CCDC178: variants seen among roughly 807,000 people sequenced by gnomAD.
CCDC178 encodes coiled-coil domain-containing protein 178.
In CCDC178, 126 loss-of-function variants were observed where a neutral mutation model predicts 117.4. The ratio of observed to expected loss-of-function variants is 1.07; its 90% CI spans 0.93 to 1.24. The LOEUF (loss-of-function observed/expected upper bound fraction) is 1.24. Ranked by LOEUF, CCDC178 falls within the 50% of genes most tolerant of loss-of-function variation. The pLI is 0.00. For synonymous variants in CCDC178, 283 were observed against 313.4 expected (o/e 0.90, Z 1.02); for missense variants, 1,030 against 986.9 (o/e 1.04, Z -0.59).
chr18:33,194,322 T>C (rs902584691), intron 20 of CCDC178, among the ~76,000 whole-genome samples: 1 of 152,230 alleles, frequency 6.6e-6, no homozygotes, highest in Middle Eastern at 3.4e-3. Context: ...GATAATGAAA[T>C]AGGTAATCCT....
chr18:33,280,862 T>C (rs2060015908), intron 12 of CCDC178, among the ~76,000 whole-genome samples: 1 of 151,868 alleles, frequency 6.6e-6, no homozygotes, highest in Non-Finnish European at 1.5e-5. Flanking sequence ...GACAAAAAAC[T>C]AAACACCGCA....
intron 14 of CCDC178, among the ~76,000 whole-genome samples, chr18:33,250,770 C>T (rs1439877976): frequency 6.6e-6 from 1 of 151,332 alleles, no homozygotes; most frequent in Non-Finnish European, 1.5e-5. Flanking sequence ...AATTTCAGTA[C>T]CAAAACCCAA....
At chr18:33,008,120 A>G (rs2055787218) in intron 21 of CCDC178, among the ~76,000 whole-genome samples, 1 of 152,128 alleles carries the variant, frequency 6.6e-6, no homozygotes, top group African/African-American at 2.4e-5. Context: ...TTTATTTCAC[A>G]GTTGTGCAAC....
At chr18:32,988,508 G>T (rs1307096684) in intron 21 of CCDC178, among the ~76,000 whole-genome samples, 1 of 152,052 alleles carries the variant, frequency 6.6e-6, no homozygotes, top group African/African-American at 2.4e-5. Flanking sequence ...AAACACATAG[G>T]ATGCAAACAG....
At position 33,403,329 on chromosome 18, in the gene CCDC178, C is replaced by G. The variant is rs568627023; in HGVS notation, c.59-6121G>C. On this transcript the variant is annotated intron_variant, in intron 3 of 22. Coordinates refer to ENST00000383096, the MANE Select transcript of CCDC178 (RefSeq NM_001105528.4). Reference sequence around the variant, plus strand: ...GGATAGAGATTTCAGTGAGTGGCCACAGAGGGCTTCAGAGAACTAATTTAG... The same window carrying G: ...GGATAGAGATTTCAGTGAGTGGCCAGAGAGGGCTTCAGAGAACTAATTTAG... Among the ~76,000 whole-genome samples, 5 of 152,234 alleles carry G rather than the reference C, an allele frequency of 3.3e-5. No individual in the cohort carries two copies. In the East Asian group the frequency reaches 9.7e-4, roughly 29 times the overall value.
intron 18 of CCDC178, among the ~76,000 whole-genome samples, chr18:33,222,201 CTTCTTCCTTCCTTCCTCCCTCCCTTCCT>C (rs1419736515): frequency 1.3e-5 from 2 of 151,270 alleles, no homozygotes; most frequent in African/African-American, 4.9e-5. Context: ...TTAATTTTGA[CTTCTTCCTTCCTTCCTCCCTCCCTTCCT>C]TTCTTCCTTC....
chr18:33,011,631 A>G (rs1183495977), intron 21 of CCDC178, among the ~76,000 whole-genome samples: 2 of 151,926 alleles, frequency 1.3e-5, no homozygotes, highest in East Asian at 1.9e-4. Flanking sequence ...ATAAGCGACT[A>G]AAGTTGCTGG....
intron 20 of CCDC178, among the ~76,000 whole-genome samples, chr18:33,110,836 T>C (rs1003766389): frequency 1.3e-5 from 2 of 151,738 alleles, no homozygotes; most frequent in African/African-American, 4.8e-5. Flanking sequence ...TCTAGGTATC[T>C]GGCAGTAATT....
At chr18:33,427,954 C>A (rs2064144158) in intron 2 of CCDC178, among the ~76,000 whole-genome samples, 1 of 152,086 alleles carries the variant, frequency 6.6e-6, no homozygotes, top group South Asian at 2.1e-4. Context: ...CATTTTCTGA[C>A]AAAATATAAA....
intron 21 of CCDC178, among the ~76,000 whole-genome samples, chr18:33,003,386 C>T (rs971874133): frequency 2.0e-5 from 3 of 152,092 alleles, no homozygotes; most frequent in Non-Finnish European, 4.4e-5. Context: ...TCAACATATG[C>T]AAATCAATCA....
intron 20 of CCDC178, among the ~76,000 whole-genome samples, chr18:33,161,450 C>CT (rs1298847186): frequency 3.3e-5 from 5 of 152,200 alleles, no homozygotes; most frequent in Non-Finnish European, 2.9e-5. Context: ...AACTTTCCAA[C>CT]TTTTTCTTAC....
At chr18:33,102,150 T>A (rs1319408873) in intron 20 of CCDC178, among the ~76,000 whole-genome samples, 1 of 151,666 alleles carries the variant, frequency 6.6e-6, no homozygotes, top group Non-Finnish European at 1.5e-5. Context: ...AAATAAAAAT[T>A]TAAAAAAATT....
intron 22 of CCDC178, among the ~76,000 whole-genome samples, chr18:32,972,463 GT>G (rs1344188180): frequency 6.6e-6 from 1 of 152,072 alleles, no homozygotes; most frequent in African/African-American, 2.4e-5. Context: ...GATGCCTCCA[GT>G]TTTGTTCTTT....
intron 20 of CCDC178, among the ~76,000 whole-genome samples, chr18:33,162,370 C>T (rs1041226573): frequency 6.6e-6 from 1 of 152,098 alleles, no homozygotes; most frequent in African/African-American, 2.4e-5. Context: ...TTTGTAATAA[C>T]TATCAATCTG....
chr18:33,294,107 G>A (rs1297355865), intron 11 of CCDC178, among the ~76,000 whole-genome samples: 4 of 152,138 alleles, frequency 2.6e-5, no homozygotes, highest in Non-Finnish European at 4.4e-5. Flanking sequence ...AATAGTCAAA[G>A]AGTTATTTGT....
rs147938814 is a variant in CCDC178, at chr18:33,409,723, C to T, written c.58+2308G>A. On this transcript the variant is annotated intron_variant, in intron 3 of 22. Coordinates refer to ENST00000383096, the MANE Select transcript of CCDC178 (RefSeq NM_001105528.4). The stretch of plus-strand genomic sequence containing the variant: ...ATTAGCTGTATGTTGTTTATAATGG[C>T]TGGTTGTCTTACATACAGAATAGGA... Among the ~76,000 whole-genome samples the T allele has an allele frequency of 3.0e-3, 453 of 152,192 alleles. 2 individuals carry two copies. The highest frequency in any genetic ancestry group is 4.7e-3 in the Non-Finnish European group (323 of 68,012).
At chr18:33,180,815 T>C (rs889561466) in intron 20 of CCDC178, among the ~76,000 whole-genome samples, 4 of 152,120 alleles carry the variant, frequency 2.6e-5, no homozygotes, top group Non-Finnish European at 4.4e-5. Flanking sequence ...ATGTATTGCT[T>C]AAATTGTGAA....
intron 8 of CCDC178, 137 bp downstream of exon 8, chr18:33,348,753 G>A: frequency 1.6e-6 from 1 of 613,314 alleles, no homozygotes; most frequent in Admixed American, 2.8e-5. Flanking sequence ...TGATATAGAG[G>A]ACTATTTTGT....
At chr18:33,297,374 A>G (rs934899984) in intron 11 of CCDC178, among the ~76,000 whole-genome samples, 19 of 152,152 alleles carry the variant, frequency 1.2e-4, no homozygotes, top group African/African-American at 4.6e-4. Context: ...AATACAAGAA[A>G]TTCACAGAAC....
Sources: gnomAD v4.1 joint callset for allele counts (sites outside exome capture counted in the v4.1 genomes callset) on GRCh38, gnomAD v4.1.1 for gene constraint, MANE v1.5 for transcripts, NCBI Gene and HGNC (gene_info 2026-07-23, HGNC 2026-07-21) for gene names.